Variants in A1BG observed in about 807,000 individuals in gnomAD.
A1BG encodes alpha-1-B glycoprotein.
In A1BG, 44 loss-of-function variants were observed where a neutral mutation model predicts 46.0. That is an observed-to-expected ratio of 0.96 (90% CI 0.75 to 1.23). The LOEUF (loss-of-function observed/expected upper bound fraction) is 1.23, where lower values mean the gene tolerates loss of function less well. Ranked by LOEUF, A1BG falls within the 50% of genes most tolerant of loss-of-function variation. The pLI is 0.00. For missense variants in A1BG, 707 were observed against 688.8 expected, an observed-to-expected ratio of 1.03 and a Z score of -0.30; for synonymous variants, 316 against 314.7, an observed-to-expected ratio of 1.00 and a Z score of -0.04.
chr19:58,351,611 G>A lies in A1BG; in HGVS notation c.690C>T (p.Leu230=). 20 of 1,613,640 alleles carry A rather than the reference G, an allele frequency of 1.2e-5. No homozygotes were observed. The highest frequency in any genetic ancestry group is 1.7e-5 in the Non-Finnish European group (20 of 1,179,964). Residue 230 remains leucine, a synonymous_variant, in exon 5 of 8, where the codon CTC becomes CTT. Coordinates refer to ENST00000263100, the MANE Select transcript of A1BG (RefSeq NM_130786.4). The part of the protein sequence containing the change: ...QVLHPGNKVT[L]TCVAPLSGVD... ...CTCCACTCAGGGGAGCCACGCAGGTGAGGGTCACCTTGTTGCCAGGGTGCA... is the reference window on the plus strand; with the variant it reads ...CTCCACTCAGGGGAGCCACGCAGGTAAGGGTCACCTTGTTGCCAGGGTGCA...
chr19:58,350,235 C>T (rs1031763343), intron 6 of A1BG, 135 bp downstream of exon 6: 74 of 1,183,152 alleles, frequency 6.3e-5, no homozygotes, highest in Non-Finnish European at 8.1e-5. Context: ...GCCTGCTCCC[C>T]GCCGGGGTAG....
At chr19:58,347,330 C>G (rs2051920257) in intron 7 of A1BG, 23 bp downstream of exon 7, 2 of 1,609,072 alleles carry the variant, frequency 1.2e-6, no homozygotes, top group Middle Eastern at 1.7e-4. Flanking sequence ...GGAACCAGCA[C>G]CCGGGACCCA....
chr19:58,351,495 A>G lies in A1BG; in HGVS notation c.806T>C (p.Val269Ala). 1 of 1,613,692 alleles carries G rather than the reference A, an allele frequency of 6.2e-7. No individual in the cohort carries two copies. The highest frequency in any genetic ancestry group is 8.5e-7 in the Non-Finnish European group (1 of 1,179,976). ...GTAGTGACCTCCATCCCCCAGGGCC[A>G]CCGCGTTCAGGTGAAAGAAGATGCG... is the stretch of plus-strand genomic sequence containing the variant. ...PDRIFFHLNA[V>A]ALGDGGHYTC... The change falls in exon 5 of 8, where the codon GTG becomes GCG. Residue 269 changes from valine to alanine, a missense_variant. Val to Ala is a moderately conservative substitution (Grantham distance 64). Coordinates refer to ENST00000263100, the MANE Select transcript of A1BG (RefSeq NM_130786.4).
intron 7 of A1BG, 131 bp from the exon 8 acceptor site, chr19:58,347,160 C>G (rs1220977678): frequency 2.2e-6 from 3 of 1,346,864 alleles, no homozygotes; most frequent in Non-Finnish European, 3.1e-6. Context: ...GCCGAGACCC[C>G]CATCTGCGCC....
Position 58,352,575 on chromosome 19 carries a change from G to A in A1BG, c.341-20C>T. The stretch of plus-strand genomic sequence containing the variant: ...AGGACTCTGTGGGTGGGGTGGAGTT[G>A]AAGAGTGCTTCTGCATAACAGGAGA... On this transcript the variant is annotated intron_variant, in intron 3 of 7. Transcript: ENST00000263100. The A allele has an allele frequency of 6.2e-7, 1 of 1,601,292 alleles. No homozygotes were observed. The highest frequency in any genetic ancestry group is 1.1e-5 in the South Asian group (1 of 90,966).
At chr19:58,347,078 CCCT>C in intron 7 of A1BG, 49 bp from the exon 8 acceptor site, 1 of 1,608,082 alleles carries the variant, frequency 6.2e-7, no homozygotes, top group Non-Finnish European at 8.5e-7. Flanking sequence ...AAATCCTATG[CCCT>C]CCTCCTCGCG....
intron 4 of A1BG, 119 bp downstream of exon 4, chr19:58,352,164 G>A (rs768543988): frequency 2.0e-6 from 3 of 1,517,466 alleles, no homozygotes; most frequent in Non-Finnish European, 1.8e-6. Flanking sequence ...CAACCGTGTG[G>A]CCAGCTTCCT....
rs2051966863 is a variant in A1BG at position 58,352,239 on chromosome 19, A to G, written c.613+44T>C. The G allele has an allele frequency of 2.5e-6, 4 of 1,600,790 alleles. No homozygotes were observed. The African/African-American group carries it at 5.4e-5, about 21-fold the overall frequency. On this transcript the variant is annotated intron_variant, in intron 4 of 7. Transcript: ENST00000263100. ...GGATGAATGTGGTCATGCCCCCTGT[A>G]TCCTCCTCCCCCAGCAGCCCCCAGA...
chr19:58,347,026 C>G lies in A1BG; in HGVS notation c.1484G>C (p.Ser495Thr), dbSNP rs2051917788. The part of the protein sequence containing the change: ...SDPVELLVAE[S>T] ...CACCCTGGGCCCGCGGCTGCATCAG[C>G]TTTCTAGACAACGGGAGAAAAGAGA... Residue 495 changes from serine to threonine, a missense_variant, in exon 8 of 8, where the codon AGC becomes ACC. Transcript: ENST00000263100. 6.2e-6 allele frequency: 10 copies of G among 1,613,998 alleles called. No individual in the cohort carries two copies. The highest frequency in any genetic ancestry group is 1.1e-5 in the South Asian group (1 of 91,090).
intron 6 of A1BG, 136 bp from the exon 7 acceptor site, chr19:58,347,776 C>T (rs2051927166): frequency 2.0e-6 from 1 of 512,314 alleles, no homozygotes; most frequent in Non-Finnish European, 2.9e-6. Flanking sequence ...TGTTCCTGGG[C>T]GCAGAGGGCT....
rs1234830522 is a variant in A1BG at position 58,352,525 on chromosome 19, G to A, written c.371C>T (p.Ala124Val). 3.7e-6 allele frequency: 6 copies of A among 1,610,558 alleles called. No individual in the cohort carries two copies. Among genetic ancestry groups the A allele is most frequent in the East Asian group, 4.5e-5 (2 of 44,876 alleles). ...GCCGGGGGTGATCCAGGACACTGGCGCCATCGAGAGCCAGGGAGCAGGCAA... is the reference window on the plus strand; with the variant it reads ...GCCGGGGGTGATCCAGGACACTGGCACCATCGAGAGCCAGGGAGCAGGCAA... ...KSLPAPWLSM[A>V]PVSWITPGLK... Residue 124 changes from alanine (A) to valine (V), a missense_variant, in exon 4 of 8, where the codon GCG (alanine) becomes GTG (valine). Physicochemically the swap from Ala to Val is moderately conservative, Grantham distance 64. Coordinates refer to ENST00000263100, the MANE Select transcript of A1BG (RefSeq NM_130786.4).
intron 5 of A1BG, 28 bp downstream of exon 5, chr19:58,351,363 G>A (rs545512616): frequency 3.7e-6 from 6 of 1,601,716 alleles, no homozygotes; most frequent in South Asian, 2.2e-5. Flanking sequence ...ACCCAGCCGC[G>A]TCCCTGTCCC....
intron 6 of A1BG, chr19:58,348,746 G>A (rs2051933363): frequency 6.6e-6 from 1 of 152,190 alleles, no homozygotes; most frequent in South Asian, 2.1e-4. Flanking sequence ...TTGTAAGATA[G>A]ATATACACAT....
In A1BG at chr19:58,353,005, T is replaced by C; in HGVS notation, c.263A>G (p.Gln88Arg). The C allele has an allele frequency of 6.2e-7, 1 of 1,614,018 alleles. No homozygotes were observed. The highest frequency in any genetic ancestry group is 8.5e-7 in the Non-Finnish European group (1 of 1,180,038). Reference protein sequence around the residue: ...KHQFLLTGDTQGRYRCRSGLS... With the variant: ...KHQFLLTGDTRGRYRCRSGLS... ...GCCCGAGCGGCAGCGGTAGCGGCCC[T>C]GGGTGTCACCCGTCAGCAGGAACTG... The change falls in exon 3 of 8, where the codon CAG becomes CGG. Residue 88 changes from glutamine to arginine, a missense_variant. Physicochemically the swap from Gln to Arg is conservative, Grantham distance 43. Coordinates refer to ENST00000263100, the MANE Select transcript of A1BG (RefSeq NM_130786.4).
intron 5 of A1BG, 109 bp downstream of exon 5, chr19:58,351,282 G>A (rs927502662): frequency 1.8e-5 from 25 of 1,374,630 alleles, no homozygotes; most frequent in Non-Finnish European, 2.4e-5. Flanking sequence ...GATAAAGTTG[G>A]TATTGGACCC....
In A1BG at chr19:58,347,644, G is replaced by T; in HGVS notation, c.1193-4C>A. The T allele has an allele frequency of 7.2e-7, 1 of 1,395,436 alleles. No homozygotes were observed. The highest frequency in any genetic ancestry group is 9.2e-7 in the Non-Finnish European group (1 of 1,087,040). The allele number at this position is 1,395,436 out of a possible 1,614,324, so 86.4% of individuals were successfully genotyped here. A position where few individuals can be genotyped will look rare whatever the true frequency, so the allele number is the denominator to read the frequency against. On this transcript the variant is annotated splice_polypyrimidine_tract_variant and splice_region_variant and intron_variant, in intron 6 of 7. Coordinates refer to ENST00000263100, the MANE Select transcript of A1BG (RefSeq NM_130786.4). ...AGCTGAGGCCTGGGAGGGGGTCCTG[G>T]GCGGAGCGGGCGGGTGGTCGGGCCA...
chr19:58,347,324 C>A, intron 7 of A1BG, 29 bp downstream of exon 7: 1 of 1,608,456 alleles, frequency 6.2e-7, no homozygotes, highest in South Asian at 1.1e-5. Context: ...GCAGACGGAA[C>A]CAGCACCCGG....
At chr19:58,348,595 G>C (rs1352433968) in intron 6 of A1BG, 1 of 152,184 alleles carries the variant, frequency 6.6e-6, no homozygotes, top group Admixed American at 6.5e-5. Flanking sequence ...TATCCATTTT[G>C]AAATGCTAGC....
In A1BG at chr19:58,350,512, C is replaced by T. The variant is rs1467331050; in HGVS notation, c.1050G>A (p.Gln350=). ...AGAGCGCCTCGGTCCCAGCGGGGCT[C>T]TGGAAACGGTGCACGCGGCGCCCGC... ...DRGGRRVHRF[Q]SPAGTEALFE... The change falls in exon 6 of 8, where the codon CAG becomes CAA. Residue 350 remains glutamine, a synonymous_variant. Coordinates refer to ENST00000263100, the MANE Select transcript of A1BG (RefSeq NM_130786.4). The T allele has an allele frequency of 6.4e-7, 1 of 1,554,628 alleles. No homozygotes were observed.
Sources: gnomAD v4.1 joint callset for allele counts on GRCh38, gnomAD v4.1.1 for gene constraint, MANE v1.5 for transcripts, NCBI Gene and HGNC (gene_info 2026-07-23, HGNC 2026-07-21) for gene names.